The following TIMP2 variants were observed in gnomAD, a reference collection of about 807,000 sequenced individuals.
TIMP2 encodes the protein metalloproteinase inhibitor 2.
In TIMP2, 5 loss-of-function variants were observed where a neutral mutation model predicts 24.3. That is an observed-to-expected ratio of 0.21 (90% confidence interval 0.11 to 0.43). The LOEUF is 0.43. TIMP2 is among the 20% of genes least tolerant of loss of function. The probability of loss-of-function intolerance (pLI) is 1.00; values close to 1 mark genes in which losing one functional copy is unlikely to be tolerated. For missense variants in TIMP2, 221 were observed against 297.5 expected (o/e 0.74, Z 1.89); for synonymous variants, 130 against 123.2 (o/e 1.06, Z -0.37).
At position 78,924,423 on chromosome 17, in the gene TIMP2, C is replaced by G. The variant is rs559561404; in HGVS notation, c.130+536G>C. Among the ~76,000 whole-genome samples the G allele has an allele frequency of 4.9e-4, 74 of 152,372 alleles. No homozygotes were observed. Among genetic ancestry groups the G allele is most frequent in the Non-Finnish European group, 7.6e-4 (52 of 68,030 alleles). On this transcript the variant is annotated intron_variant, in intron 1 of 4. Transcript: ENST00000262768. This position sits in a 1 kb window ranked among gnomAD's most constrained non-coding sequence, Gnocchi z 5.3. ...ACCTGCCCCTCTGGGCCTGTGGAACCTGCCTCGGGTAGGGCGGGCTTCCAT... is the reference window on the plus strand; with the variant it reads ...ACCTGCCCCTCTGGGCCTGTGGAACGTGCCTCGGGTAGGGCGGGCTTCCAT...
In TIMP2 at chr17:78,925,376, G is replaced by A. The variant is rs1383584082; in HGVS notation, c.-288C>T. The A allele has an allele frequency of 6.6e-6, 1 of 152,434 alleles. No homozygotes were observed. Among genetic ancestry groups the A allele is most frequent in the Non-Finnish European group, 1.5e-5 (1 of 67,728 alleles). 9.4% of individuals were successfully genotyped at this position (152,434 alleles called of 1,614,324 possible). A position where few individuals can be genotyped will look rare whatever the true frequency, so the allele number is the denominator to read the frequency against. On this transcript the variant is annotated 5_prime_UTR_variant, in exon 1 of 5. Transcript: ENST00000262768. Reference sequence around the variant, plus strand: ...CTCGGCGGCCGCGCTGCCTTCTACGGATGTGTTTGCTGCGGGCTTGGGCCG... The same window carrying A: ...CTCGGCGGCCGCGCTGCCTTCTACGAATGTGTTTGCTGCGGGCTTGGGCCG...
rs116106429 is a variant in TIMP2 at position 78,912,549 on chromosome 17, C to T, written c.130+12410G>A. On this transcript the variant is annotated intron_variant, in intron 1 of 4. Coordinates refer to ENST00000262768, the MANE Select transcript of TIMP2 (RefSeq NM_003255.5). ...TCTTCCCTGCTCTAGCCCACCCGTG[C>T]GATGAAGAGCACAGAAGAGGCGGGT... Among the ~76,000 whole-genome samples, 1,196 of 152,310 alleles carry T rather than the reference C, an allele frequency of 7.9e-3. 16 individuals carry two copies. The highest frequency in any genetic ancestry group is 0.027 in the African/African-American group (1,141 of 41,556).
rs771290378 is a variant in TIMP2, at chr17:78,891,294, C to T, written c.131-17375G>A. On this transcript the variant is annotated intron_variant, in intron 1 of 4. Transcript: ENST00000262768. This position sits in a 1 kb window ranked among gnomAD's most constrained non-coding sequence, Gnocchi z 4.5. The stretch of plus-strand genomic sequence containing the variant: ...TCCTCTGCTGGGCTCCTGGGTTCCC[C>T]GGCAGGCAGCATCTCTGGGTCTGCC... 2.8e-5 allele frequency: 43 copies of T among 1,550,408 alleles called. No individual in the cohort carries two copies. The highest frequency in any genetic ancestry group is 1.1e-4 in the African/African-American group (8 of 73,018).
chr17:78,901,847 G>A, intron 1 of TIMP2: 1 of 707,152 alleles, frequency 1.4e-6, no homozygotes, highest in South Asian at 1.5e-5. Flanking sequence ...GGCAGAAGCT[G>A]ACAGGAGGGC....
intron 1 of TIMP2, among the ~76,000 whole-genome samples, chr17:78,919,331 C>G (rs1176026778): frequency 1.3e-5 from 2 of 152,168 alleles, no homozygotes; most frequent in East Asian, 1.9e-4. Flanking sequence ...CTTGTGGGTC[C>G]CCCTGAATCC....
At chr17:78,858,170 C>T (rs2069540111) in intron 3 of TIMP2, among the ~76,000 whole-genome samples, 2 of 152,030 alleles carry the variant, frequency 1.3e-5, no homozygotes, top group Admixed American at 6.6e-5. Context: ...TGGCCAGGGG[C>T]GGTGGCTCAT....
chr17:78,855,331 G>T lies in TIMP2; in HGVS notation c.*336C>A. 2.6e-6 allele frequency: 1 copy of T among 381,822 alleles called. No individual in the cohort carries two copies. 23.7% of individuals were successfully genotyped at this position (381,822 alleles called of 1,614,324 possible). A position where few individuals can be genotyped will look rare whatever the true frequency, so the allele number is the denominator to read the frequency against. ...AGGCCCTGCCCTAACCCAGCTGGGAGATCCCTAAGTGCTGCCTGCTTGGCA... is the reference window on the plus strand; with the variant it reads ...AGGCCCTGCCCTAACCCAGCTGGGATATCCCTAAGTGCTGCCTGCTTGGCA... On this transcript the variant is annotated 3_prime_UTR_variant, in exon 5 of 5. Coordinates refer to ENST00000262768, the MANE Select transcript of TIMP2 (RefSeq NM_003255.5). The surrounding 1 kb of genome is among the most constrained non-coding windows in gnomAD (Gnocchi z 6.0).
intron 1 of TIMP2, chr17:78,897,056 C>G: frequency 1.0e-6 from 1 of 958,968 alleles, no homozygotes; most frequent in African/African-American, 1.8e-5. Flanking sequence ...AGGGACCCTC[C>G]ACCCAGGCAG....
At chr17:78,911,762 T>C (rs900529255) in intron 1 of TIMP2, among the ~76,000 whole-genome samples, 2 of 151,890 alleles carry the variant, frequency 1.3e-5, no homozygotes, top group Non-Finnish European at 2.9e-5. Flanking sequence ...AAATTTAATC[T>C]TGGCAGGGTG....
intron 1 of TIMP2, among the ~76,000 whole-genome samples, chr17:78,922,552 T>A (rs1205132740): frequency 6.6e-6 from 1 of 152,216 alleles, no homozygotes; most frequent in Non-Finnish European, 1.5e-5. Context: ...GCGCGGTGGC[T>A]CACGCCTATA....
chr17:78,900,148 A>G (rs2070068173), intron 1 of TIMP2: 1 of 152,214 alleles, frequency 6.6e-6, no homozygotes, highest in African/African-American at 2.4e-5. Flanking sequence ...GTGACCCCAG[A>G]ATGCAATTTG....
intron 3 of TIMP2, among the ~76,000 whole-genome samples, chr17:78,870,213 C>A (rs938562504): frequency 1.3e-5 from 2 of 152,054 alleles, no homozygotes; most frequent in Non-Finnish European, 2.9e-5. Context: ...GTCAGGAGTT[C>A]GAGACCAGCC....
intron 3 of TIMP2, among the ~76,000 whole-genome samples, chr17:78,861,605 CTTTTTTT>C (rs953067288): frequency 7.0e-6 from 1 of 142,118 alleles, no homozygotes; most frequent in Non-Finnish European, 1.6e-5. Flanking sequence ...TGTATTTTTT[CTTTTTTT>C]TTTTTTTGGA....
At chr17:78,918,895 C>T (rs1236662897) in intron 1 of TIMP2, among the ~76,000 whole-genome samples, 2 of 151,564 alleles carry the variant, frequency 1.3e-5, no homozygotes. Flanking sequence ...GTGGGAGAAT[C>T]GCTTGGGCCA....
At chr17:78,870,151 C>T (rs989664866) in intron 3 of TIMP2, among the ~76,000 whole-genome samples, 2 of 152,118 alleles carry the variant, frequency 1.3e-5, no homozygotes, top group African/African-American at 4.8e-5. Flanking sequence ...CGCGGTGGCT[C>T]GCGCCTGTAA....
Position 78,919,084 on chromosome 17 carries a change from C to T in TIMP2, c.130+5875G>A, listed in dbSNP as rs190287588. Reference sequence around the variant, plus strand: ...GCTGTACTGGGCACCCCTCCGGAGACGACTGGTCTATGCCAACTTTGGCGG... The same window carrying T: ...GCTGTACTGGGCACCCCTCCGGAGATGACTGGTCTATGCCAACTTTGGCGG... On this transcript the variant is annotated intron_variant, in intron 1 of 4. Coordinates refer to ENST00000262768, the MANE Select transcript of TIMP2 (RefSeq NM_003255.5). Among the ~76,000 whole-genome samples the T allele has an allele frequency of 2.5e-3, 379 of 152,348 alleles. 3 individuals are homozygous for T. Among genetic ancestry groups the T allele is most frequent in the Middle Eastern group, 0.01 (3 of 294 alleles).
intron 1 of TIMP2, among the ~76,000 whole-genome samples, chr17:78,886,270 G>T (rs199965579): frequency 6.6e-6 from 1 of 152,244 alleles, no homozygotes; most frequent in East Asian, 1.9e-4. Flanking sequence ...GAACACATGG[G>T]TCACAAATGC....
At chr17:78,921,915 G>T (rs995583145) in intron 1 of TIMP2, among the ~76,000 whole-genome samples, 2 of 152,198 alleles carry the variant, frequency 1.3e-5, no homozygotes, top group African/African-American at 4.8e-5. Flanking sequence ...TAAGCCAATT[G>T]CCTCTTGTAG....
chr17:78,883,394 G>T lies in TIMP2; in HGVS notation c.131-9475C>A, dbSNP rs374895847. On this transcript the variant is annotated intron_variant, in intron 1 of 4. Transcript: ENST00000262768. ...GCAGGGCGGGACCGTGACATCCAGG[G>T]TGAGGACAGAGGACTTGGCCAGCAT... 1.1e-4 allele frequency among the ~76,000 whole-genome samples: 16 copies of T among 152,344 alleles called. 3 individuals carry two copies. Among genetic ancestry groups the T allele is most frequent in the East Asian group, 3.9e-4 (2 of 5,180 alleles).
Sources: allele counts gnomAD v4.1 joint callset (sites outside exome capture counted in the v4.1 genomes callset), GRCh38; gene constraint gnomAD v4.1.1; non-coding constraint Gnocchi (gnomAD v3.1); transcripts MANE v1.5; gene names NCBI Gene and HGNC (gene_info 2026-07-23, HGNC 2026-07-21).